ATP2C2: variants seen among roughly 807,000 people sequenced by gnomAD.
ATP2C2 encodes calcium-transporting ATPase type 2C member 2.
A neutral mutation model predicts 110.8 loss-of-function variants in ATP2C2; 171 were observed. That is an observed-to-expected ratio of 1.54 (90% CI 1.36 to 1.75). The LOEUF (loss-of-function observed/expected upper bound fraction) is 1.75, where lower values mean the gene tolerates loss of function less well. ATP2C2 is among the 40% of genes most tolerant of loss of function. The probability of loss-of-function intolerance (pLI) is 0.00; values close to 1 mark genes in which losing one functional copy is unlikely to be tolerated. For missense variants in ATP2C2, 1,963 were observed against 1,235.0 expected, an observed-to-expected ratio of 1.59 and a Z score of -8.84; for synonymous variants, 804 against 508.4, an observed-to-expected ratio of 1.58 and a Z score of -7.82.
intron 1 of ATP2C2, among the ~76,000 whole-genome samples, chr16:84,376,513 C>T (rs1199178488): frequency 1.3e-5 from 2 of 150,446 alleles, no homozygotes; most frequent in African/African-American, 2.4e-5. Flanking sequence ...TTTCTTAACA[C>T]ATTATGAGAT....
At chr16:84,403,161 G>T (rs551443769) in intron 2 of ATP2C2, among the ~76,000 whole-genome samples, 6 of 151,760 alleles carry the variant, frequency 4.0e-5, no homozygotes, top group African/African-American at 1.4e-4. Context: ...TATTTATTTG[G>T]TTCTTCTCTC....
At chr16:84,420,281 G>A (rs915307644) in intron 7 of ATP2C2, among the ~76,000 whole-genome samples, 1 of 152,140 alleles carries the variant, frequency 6.6e-6, no homozygotes, top group South Asian at 2.1e-4. Flanking sequence ...ATTCACTGCG[G>A]TATTCCCAGT....
intron 7 of ATP2C2, among the ~76,000 whole-genome samples, chr16:84,417,166 G>A (rs536071814): frequency 9.2e-5 from 14 of 152,280 alleles, no homozygotes; most frequent in African/African-American, 3.4e-4. Flanking sequence ...ATGCCCATAG[G>A]GTACTTGGGA....
At chr16:84,460,172 C>A (rs775117933) in intron 23 of ATP2C2, 12 of 200,674 alleles carry the variant, frequency 6.0e-5, no homozygotes, top group African/African-American at 1.2e-4. Context: ...GACCAGGAAG[C>A]TGGCCTCAGC....
intron 6 of ATP2C2, among the ~76,000 whole-genome samples, chr16:84,414,021 C>T (rs1180226717): frequency 6.6e-6 from 1 of 151,914 alleles, no homozygotes. Context: ...TGGAGGCCAC[C>T]AAAACAAATA....
rs1277793258 is a variant in ATP2C2 at position 84,463,773 on chromosome 16, T to G, written c.*41T>G. 1.6e-5 allele frequency: 24 copies of G among 1,531,770 alleles called. No individual in the cohort carries two copies. The South Asian group carries it at 1.8e-4, about 11-fold the overall frequency. 94.9% of individuals were successfully genotyped at this position (1,531,770 alleles called of 1,614,324 possible). The stretch of plus-strand genomic sequence containing the variant: ...GGCACCTTCCCTAATCATCTCGATC[T>G]GGTTGTGACTGTGGCCCCTGCCGTG... On this transcript the variant is annotated 3_prime_UTR_variant, in exon 27 of 27. Transcript: ENST00000262429.
chr16:84,413,976 T>G (rs1482350236), intron 6 of ATP2C2, among the ~76,000 whole-genome samples: 1 of 152,080 alleles, frequency 6.6e-6, no homozygotes, highest in African/African-American at 2.4e-5. Flanking sequence ...AAGATGACCT[T>G]GGAATTGTCC....
chr16:84,428,268 G>T (rs1907964480), intron 11 of ATP2C2, among the ~76,000 whole-genome samples: 1 of 152,318 alleles, frequency 6.6e-6, no homozygotes, highest in South Asian at 2.1e-4. Flanking sequence ...GCATAGTCAG[G>T]CTTGCCTGTG....
In ATP2C2 at chr16:84,386,922, G is replaced by A. The variant is rs80217281; in HGVS notation, c.100-11577G>A. Among the ~76,000 whole-genome samples the A allele has an allele frequency of 7.2e-5, 5 of 69,182 alleles. No homozygotes were observed. In the South Asian group the frequency reaches 3.2e-3, roughly 44 times the overall value. The allele number at this position is 69,182 out of a possible 152,430, so 45.4% of individuals were successfully genotyped here. A position where few individuals can be genotyped will look rare whatever the true frequency, so the allele number is the denominator to read the frequency against. On this transcript the variant is annotated intron_variant, in intron 1 of 26. Coordinates refer to ENST00000262429, the MANE Select transcript of ATP2C2 (RefSeq NM_014861.4). ...AGGGTTTTTGTTTGTTTGTTTGTTT[G>A]TTTTGGTCCCTAACATTAAAAAATA...
At chr16:84,415,284 AG>A (rs930001071) in intron 6 of ATP2C2, among the ~76,000 whole-genome samples, 198 bp from the exon 7 acceptor site, 2 of 152,204 alleles carry the variant, frequency 1.3e-5, no homozygotes, top group Non-Finnish European at 2.9e-5. Flanking sequence ...GATGTGGCCC[AG>A]GGATGCCCAG....
chr16:84,387,675 C>G (rs767533537), intron 1 of ATP2C2, among the ~76,000 whole-genome samples: 2 of 152,172 alleles, frequency 1.3e-5, no homozygotes, highest in Non-Finnish European at 2.9e-5. Context: ...AGCTCACAGC[C>G]TATTCACTTC....
intron 1 of ATP2C2, among the ~76,000 whole-genome samples, chr16:84,388,809 G>C (rs1904475380): frequency 6.6e-6 from 1 of 152,172 alleles, no homozygotes; most frequent in Non-Finnish European, 1.5e-5. Context: ...GTCTCGCTCT[G>C]TTGCCAGGCT....
intron 7 of ATP2C2, among the ~76,000 whole-genome samples, chr16:84,416,851 A>G (rs916693064): frequency 2.4e-4 from 36 of 152,174 alleles, no homozygotes; most frequent in Non-Finnish European, 3.7e-4. Flanking sequence ...TCTGTGGCCA[A>G]TCCCCGCCTA....
chr16:84,398,686 C>G, intron 2 of ATP2C2, 77 bp downstream of exon 2: 1 of 1,160,728 alleles, frequency 8.6e-7, no homozygotes, highest in Non-Finnish European at 1.2e-6. Context: ...AAGCCCTGAA[C>G]AGTGCTTTGA....
At chr16:84,459,598 G>A in intron 23 of ATP2C2, 2 of 1,535,438 alleles carry the variant, frequency 1.3e-6, no homozygotes, top group Middle Eastern at 1.7e-4. Context: ...GCTGGGTGAG[G>A]ATGGAACTTT....
intron 11 of ATP2C2, 110 bp downstream of exon 11, chr16:84,425,911 G>C: frequency 2.2e-6 from 3 of 1,339,326 alleles, no homozygotes; most frequent in Non-Finnish European, 3.2e-6. Flanking sequence ...GGGTTGGGAA[G>C]GTGCAGCCCC....
intron 1 of ATP2C2, among the ~76,000 whole-genome samples, chr16:84,388,679 T>A (rs1167245045): frequency 2.0e-5 from 3 of 152,266 alleles, no homozygotes; most frequent in Non-Finnish European, 4.4e-5. Context: ...TTTGTTCTTG[T>A]GTCATTCTGA....
At chr16:84,405,475 AC>A (rs753985028) in intron 3 of ATP2C2, among the ~76,000 whole-genome samples, 3,600 of 152,250 alleles carry the variant, frequency 0.024, 47 homozygotes, top group Non-Finnish European at 0.036. Context: ...CCCGGGCCCC[AC>A]GCTATATGAG....
At chr16:84,371,965 T>C (rs1909980446) in intron 1 of ATP2C2, among the ~76,000 whole-genome samples, 1 of 152,210 alleles carries the variant, frequency 6.6e-6, no homozygotes, top group African/African-American at 2.4e-5. Context: ...CACTGTTTAA[T>C]GCCAACGTGT....
Sources: allele counts gnomAD v4.1 joint callset (sites outside exome capture counted in the v4.1 genomes callset), GRCh38; gene constraint gnomAD v4.1.1; transcripts MANE v1.5; gene names NCBI Gene and HGNC (gene_info 2026-07-23, HGNC 2026-07-21).